Variants in BICC1 observed in about 807,000 individuals in gnomAD.
The protein encoded by BICC1 is BicC family RNA binding protein 1.
Under a neutral mutation model 111.0 loss-of-function variants are expected in BICC1, and 43 were observed. The observed-to-expected ratio is 0.39, with a 90% CI of 0.30 to 0.50. The LOEUF (loss-of-function observed/expected upper bound fraction) is 0.50, where lower values mean the gene tolerates loss of function less well. Ranked by LOEUF, BICC1 falls within the 20% of genes least tolerant of loss-of-function variation. The pLI, the probability that BICC1 is intolerant of heterozygous loss-of-function variation, is 0.88. For missense variants in BICC1, 1,091 were observed against 1,203.2 expected (o/e 0.91, Z 1.38); for synonymous variants, 467 against 434.4 (o/e 1.07, Z -0.93).
At chr10:58,512,319 C>G (rs918412456), upstream of BICC1, among the ~76,000 whole-genome samples, 1 of 152,128 alleles carries the variant, frequency 6.6e-6, no homozygotes, top group Admixed American at 6.5e-5. Context: ...GCGATGCCTG[C>G]GAAAGACGGG....
At chr10:58,603,731 A>G (rs772164672) in intron 1 of BICC1, among the ~76,000 whole-genome samples, 4 of 152,160 alleles carry the variant, frequency 2.6e-5, no homozygotes, top group Non-Finnish European at 4.4e-5. Flanking sequence ...ACATTGATGG[A>G]GGTGGAATTC....
At chr10:58,646,992 A>G (rs975496736) in intron 2 of BICC1, among the ~76,000 whole-genome samples, 4 of 152,188 alleles carry the variant, frequency 2.6e-5, no homozygotes, top group Non-Finnish European at 4.4e-5. Flanking sequence ...AGAAAAATCC[A>G]CAGCAGGAAG....
At chr10:58,674,177 C>T (rs1003097207) in intron 2 of BICC1, among the ~76,000 whole-genome samples, 1 of 152,224 alleles carries the variant, frequency 6.6e-6, no homozygotes, top group Non-Finnish European at 1.5e-5. Flanking sequence ...ATAGCTGGAG[C>T]TGGTGTTTGC....
At chr10:58,703,098 A>T (rs184794091) in intron 3 of BICC1, among the ~76,000 whole-genome samples, 133 of 150,556 alleles carry the variant, frequency 8.8e-4, no homozygotes, top group Middle Eastern at 3.5e-3. Flanking sequence ...TATTTTAGTT[A>T]TTTAGTGAGT....
At chr10:58,704,723 A>T (rs1455773009) in intron 3 of BICC1, among the ~76,000 whole-genome samples, 2 of 152,184 alleles carry the variant, frequency 1.3e-5, no homozygotes, top group Admixed American at 1.3e-4. Context: ...TTGGATGATT[A>T]TTACATTCTA....
chr10:58,514,737 C>G (rs1430263220), intron 1 of BICC1, among the ~76,000 whole-genome samples: 2 of 152,140 alleles, frequency 1.3e-5, no homozygotes, highest in Admixed American at 6.5e-5. Flanking sequence ...ATAAACTCTT[C>G]AAGTAAGACC....
At chr10:58,543,142 TA>T (rs145588390) in intron 1 of BICC1, among the ~76,000 whole-genome samples, 1 of 151,928 alleles carries the variant, frequency 6.6e-6, no homozygotes, top group East Asian at 1.9e-4. Flanking sequence ...GAGACAGGGA[TA>T]AAAAAATGTG....
chr10:58,752,886 C>T (rs1184039377), intron 3 of BICC1, among the ~76,000 whole-genome samples: 2 of 152,218 alleles, frequency 1.3e-5, no homozygotes, highest in East Asian at 1.9e-4. Flanking sequence ...CAGGCTGGTT[C>T]CATTGACTGA....
At chr10:58,582,853 A>G (rs1256733233) in intron 1 of BICC1, among the ~76,000 whole-genome samples, 1 of 152,150 alleles carries the variant, frequency 6.6e-6, no homozygotes, top group Admixed American at 6.5e-5. Context: ...TTGTGATTGC[A>G]TTGAGCCTAC....
rs528545391 is a variant in BICC1, at chr10:58,747,345, G to T, written c.308-37656G>T. ...AATTGTCCATTTTGATTATATCTTT[G>T]TATTTAAAAAAATACAGAAATGAAC... is the stretch of plus-strand genomic sequence containing the variant. On this transcript the variant is annotated intron_variant, in intron 3 of 20. Transcript: ENST00000373886. Among the ~76,000 whole-genome samples the T allele has an allele frequency of 1.3e-3, 198 of 151,830 alleles. 2 individuals are homozygous for T. Among genetic ancestry groups the T allele is most frequent in the African/African-American group, 4.6e-3 (190 of 41,420 alleles).
chr10:58,667,018 T>C (rs894455061), intron 2 of BICC1, among the ~76,000 whole-genome samples: 9 of 152,122 alleles, frequency 5.9e-5, no homozygotes, highest in Non-Finnish European at 1.0e-4. Context: ...AATAATGATC[T>C]AGATGAAAGA....
At chr10:58,759,029 G>A (rs767936105) in intron 3 of BICC1, among the ~76,000 whole-genome samples, 3 of 151,462 alleles carry the variant, frequency 2.0e-5, no homozygotes, top group Non-Finnish European at 4.4e-5. Context: ...GCACAATCTC[G>A]GCTCATTGCA....
At chr10:58,574,630 A>G (rs1047702154) in intron 1 of BICC1, among the ~76,000 whole-genome samples, 7 of 152,170 alleles carry the variant, frequency 4.6e-5, no homozygotes, top group African/African-American at 1.7e-4. Flanking sequence ...GAGGATCCCA[A>G]AAGAGATTTT....
rs191376670 is a variant in BICC1 at position 58,789,116 on chromosome 10, C to T, written c.601-146C>T. On this transcript the variant is annotated intron_variant, in intron 6 of 20. Coordinates refer to ENST00000373886, the MANE Select transcript of BICC1 (RefSeq NM_001080512.3). ...AAAAAACAGAAAGGAAAAAAAAAAA[C>T]TTTATATAATGTAGCTAAACTTAAT... The T allele has an allele frequency of 9.0e-5, 55 of 614,354 alleles. No individual in the cohort carries two copies. The African/African-American group carries it at 1.0e-3, about 11-fold the overall frequency. The allele number at this position is 614,354 out of a possible 1,614,324, so 38.1% of individuals were successfully genotyped here.
At chr10:58,777,672 G>A (rs976104220) in intron 3 of BICC1, among the ~76,000 whole-genome samples, 2 of 151,810 alleles carry the variant, frequency 1.3e-5, no homozygotes, top group South Asian at 2.1e-4. Context: ...ATTCGCTCAC[G>A]TCACTCCTGC....
At position 58,673,547 on chromosome 10, in the gene BICC1, G is replaced by A. The variant is rs186324390; in HGVS notation, c.238-28527G>A. Among the ~76,000 whole-genome samples, 366 of 152,296 alleles carry A rather than the reference G, an allele frequency of 2.4e-3. 1 individual carries two copies. The highest frequency in any genetic ancestry group is 8.1e-3 in the African/African-American group (336 of 41,558). ...AAAATCCAGCTAGTTATAAAATGCC[G>A]TGGAGCACAAGCTTTTATGATTCTG... On this transcript the variant is annotated intron_variant, in intron 2 of 20. Coordinates refer to ENST00000373886, the MANE Select transcript of BICC1 (RefSeq NM_001080512.3).
intron 1 of BICC1, among the ~76,000 whole-genome samples, chr10:58,554,638 C>T (rs1225838108): frequency 6.6e-6 from 1 of 151,946 alleles, no homozygotes; most frequent in Non-Finnish European, 1.5e-5. Context: ...TGTGTGTTTA[C>T]TAGAACAGCA....
intron 2 of BICC1, among the ~76,000 whole-genome samples, chr10:58,669,365 G>A (rs1839113016): frequency 6.6e-6 from 1 of 152,066 alleles, no homozygotes; most frequent in Non-Finnish European, 1.5e-5. Context: ...TGAGAATGAT[G>A]AGAGTCTATT....
chr10:58,801,014 A>G lies in BICC1; in HGVS notation c.1983A>G (p.Glu661=). ...CCTGTGCCAAAAGGCAGACAGTGGA[A>G]CTATTGCAAGGCACGAAAAACTCAC... is the stretch of plus-strand genomic sequence containing the variant. ...KVSCAKRQTV[E]LLQGTKNSHL... is the part of the protein sequence containing the mutation. The change falls in exon 14 of 21, where the codon GAA becomes GAG. Residue 661 remains glutamate, a synonymous_variant. Transcript: ENST00000373886. 6.2e-7 allele frequency: 1 copy of G among 1,610,948 alleles called. No individual in the cohort carries two copies. Among genetic ancestry groups the G allele is most frequent in the South Asian group, 1.1e-5 (1 of 90,454 alleles).
Sources: allele counts gnomAD v4.1 joint callset (sites outside exome capture counted in the v4.1 genomes callset), GRCh38; gene constraint gnomAD v4.1.1; transcripts MANE v1.5; gene names NCBI Gene and HGNC (gene_info 2026-07-23, HGNC 2026-07-21).